The following RYR2 variants were observed in gnomAD, a reference collection of about 807,000 sequenced individuals.
RYR2 encodes cardiac muscle ryanodine receptor-calcium release channel.
In RYR2, 227 loss-of-function variants were observed where a neutral mutation model predicts 601.1. The observed-to-expected ratio is 0.38, with a 90% CI of 0.34 to 0.42. The LOEUF is 0.42. Ranked by LOEUF, RYR2 falls within the 10% of genes least tolerant of loss-of-function variation. The pLI is 1.00. For synonymous variants in RYR2, 2,223 were observed against 2,175.1 expected (o/e 1.02, Z -0.61); for missense variants, 4,646 against 6,156.5 (o/e 0.75, Z 8.21).
chr1:237,828,519 G>A, intron 102 of RYR2, 74 bp downstream of exon 102: 1 of 961,026 alleles, frequency 1.0e-6, no homozygotes, highest in South Asian at 1.7e-5. Flanking sequence ...TTTATCAATA[G>A]AATCATGAAT....
intron 21 of RYR2, among the ~76,000 whole-genome samples, chr1:237,502,468 T>C (rs1664741921): frequency 6.6e-6 from 1 of 152,164 alleles, no homozygotes; most frequent in African/African-American, 2.4e-5. Flanking sequence ...GAAGACAATT[T>C]TTCTACGGGC....
In RYR2 at chr1:237,711,840, A is replaced by T. The variant is rs1688866698; in HGVS notation, c.10323+3A>T. 1 of 1,280,790 alleles carries T rather than the reference A, an allele frequency of 7.8e-7. No homozygotes were observed. Among genetic ancestry groups the T allele is most frequent in the Admixed American group, 1.7e-5 (1 of 58,550 alleles). 79.3% of individuals were successfully genotyped at this position (1,280,790 alleles called of 1,614,324 possible). ...ATACCAAGTCAAAGATGTCAAAGGT[A>T]TTACTATAAACTGTTTCACTGTTCT... is the stretch of plus-strand genomic sequence containing the variant. On this transcript the variant is annotated splice_donor_region_variant and intron_variant, in intron 71 of 104. Transcript: ENST00000366574.
At chr1:237,704,035 G>A (rs2797439) in intron 66 of RYR2, among the ~76,000 whole-genome samples, 147,875 of 152,190 alleles carry the variant, frequency 0.97, 71,981 homozygotes, top group East Asian at 1. Context: ...CACACAATTT[G>A]GAGAACAAGG....
chr1:237,168,958 AC>A (rs1206995098), intron 1 of RYR2, among the ~76,000 whole-genome samples: 1 of 152,172 alleles, frequency 6.6e-6, no homozygotes, highest in Non-Finnish European at 1.5e-5. Flanking sequence ...TTCGTAGTCA[AC>A]CAAAAAGAAC....
chr1:237,757,592 C>T, intron 81 of RYR2, 105 bp from the exon 82 acceptor site: 1 of 734,342 alleles, frequency 1.4e-6, no homozygotes, highest in Non-Finnish European at 2.4e-6. Flanking sequence ...AACAGATTGC[C>T]TGGGGGGGCA....
In RYR2 at chr1:237,785,984, G is replaced by A; in HGVS notation, c.13276G>A (p.Glu4426Lys). 6.3e-7 allele frequency: 1 copy of A among 1,592,226 alleles called. No homozygotes were observed. ...QEKFQEQKAK[E>K]EEKEEKEETK... ...CTCATTCAAGGAACAGAAGGCAAAA[G>A]AAGAAGAAAAGGAAGAAAAAGAAGA... The change falls in exon 91 of 105, where the codon GAA (glutamate) becomes AAA (lysine). Residue 4426 changes from glutamate to lysine, a missense_variant. By Grantham distance (56) the Glu-to-Lys change is moderately conservative (BLOSUM62 1). Coordinates refer to ENST00000366574, the MANE Select transcript of RYR2 (RefSeq NM_001035.3).
chr1:237,205,023 T>C (rs661323), intron 1 of RYR2, among the ~76,000 whole-genome samples: 145,644 of 152,288 alleles, frequency 0.96, 69,885 homozygotes, highest in Non-Finnish European at 1. Context: ...TGTGGCATGG[T>C]CCTGCTTTGA....
chr1:237,249,766 G>T (rs547581044), intron 1 of RYR2, among the ~76,000 whole-genome samples: 1 of 152,054 alleles, frequency 6.6e-6, no homozygotes, highest in Non-Finnish European at 1.5e-5. Context: ...GAGTTTTATT[G>T]GTTTTATTTT....
chr1:237,169,875 G>A (rs148859092), intron 1 of RYR2, among the ~76,000 whole-genome samples: 17 of 151,982 alleles, frequency 1.1e-4, no homozygotes, highest in Non-Finnish European at 2.5e-4. Context: ...TGATTTTTTC[G>A]TGTAAAAGTT....
intron 17 of RYR2, among the ~76,000 whole-genome samples, chr1:237,485,823 G>T (rs990692259): frequency 6.6e-6 from 1 of 152,162 alleles, no homozygotes; most frequent in South Asian, 2.1e-4. Context: ...CTGGTTTAGG[G>T]ACTGATATTC....
chr1:237,804,656 T>C (rs529147455), intron 98 of RYR2, among the ~76,000 whole-genome samples: 1 of 152,326 alleles, frequency 6.6e-6, no homozygotes, highest in East Asian at 1.9e-4. Flanking sequence ...AGGAGACTTC[T>C]ACAACAGTAC....
At chr1:237,054,331 C>CT (rs1455394891) in intron 1 of RYR2, among the ~76,000 whole-genome samples, 2 of 143,108 alleles carry the variant, frequency 1.4e-5, no homozygotes, top group African/African-American at 5.1e-5. Flanking sequence ...CGCCTCCCCC[C>CT]TCCCCCCCTC....
chr1:237,164,938 G>T (rs1027325180), intron 1 of RYR2, among the ~76,000 whole-genome samples: 3 of 150,806 alleles, frequency 2.0e-5, no homozygotes, highest in African/African-American at 7.3e-5. Flanking sequence ...AGAATTATTT[G>T]CTATGTAAAT....
intron 52 of RYR2, among the ~76,000 whole-genome samples, chr1:237,655,115 T>C (rs1360861592): frequency 2.0e-5 from 3 of 152,220 alleles, no homozygotes; most frequent in Admixed American, 6.5e-5. Flanking sequence ...GTAGCAACAC[T>C]TTAATGCTTT....
chr1:237,447,198 A>T (rs1657464691), intron 14 of RYR2, among the ~76,000 whole-genome samples: 1 of 152,218 alleles, frequency 6.6e-6, no homozygotes, highest in Non-Finnish European at 1.5e-5. Context: ...CTAGACCAAA[A>T]ACTGGTTATT....
At position 237,684,094 on chromosome 1, in the gene RYR2, AT is replaced by A. The variant is rs1223468414; in HGVS notation, c.9018-3349del. On this transcript the variant is annotated intron_variant, in intron 62 of 104. Coordinates refer to ENST00000366574, the MANE Select transcript of RYR2 (RefSeq NM_001035.3). ...AGGCACCCACCACCATGCCCGGCTA[AT>A]TTTTTTTTTTTATTATTTTTAGTAG... Among the ~76,000 whole-genome samples, 999 of 146,768 alleles carry A rather than the reference AT, an allele frequency of 6.8e-3. 15 individuals carry two copies. Among genetic ancestry groups the A allele is most frequent in the African/African-American group, 0.023 (906 of 40,166 alleles).
At chr1:237,475,843 G>A (rs1661340160) in intron 17 of RYR2, among the ~76,000 whole-genome samples, 1 of 152,142 alleles carries the variant, frequency 6.6e-6, no homozygotes, top group Admixed American at 6.5e-5. Flanking sequence ...TTCATTTGGG[G>A]AATGAAAGAT....
chr1:237,242,942 G>C (rs1686366435), intron 1 of RYR2, among the ~76,000 whole-genome samples: 1 of 152,142 alleles, frequency 6.6e-6, no homozygotes, highest in Non-Finnish European at 1.5e-5. Context: ...GTCTGGGGTA[G>C]GGCTCAAGTA....
chr1:237,221,365 T>G (rs985995872), intron 1 of RYR2, among the ~76,000 whole-genome samples: 6 of 152,200 alleles, frequency 3.9e-5, no homozygotes, highest in African/African-American at 1.4e-4. Flanking sequence ...TGCTTTAACT[T>G]ATGAAATGTG....
Sources: allele counts gnomAD v4.1 joint callset (sites outside exome capture counted in the v4.1 genomes callset), GRCh38; gene constraint gnomAD v4.1.1; transcripts MANE v1.5; gene names NCBI Gene and HGNC (gene_info 2026-07-23, HGNC 2026-07-21).